Variants in YWHAE observed in about 807,000 individuals in gnomAD.
YWHAE encodes 14-3-3 protein epsilon.
In YWHAE, 4 loss-of-function variants were observed where a neutral mutation model predicts 30.1. The observed-to-expected ratio is 0.13, with a 90% confidence interval of 0.07 to 0.30. YWHAE has a LOEUF of 0.30. YWHAE is among the 10% of genes least tolerant of loss of function. The pLI, the probability that YWHAE is intolerant of heterozygous loss-of-function variation, is 1.00. For synonymous variants in YWHAE, 118 were observed against 111.8 expected (o/e 1.06, Z -0.35); for missense variants, 121 against 315.9 (o/e 0.38, Z 4.68).
rs7218847 is a variant in YWHAE at position 1,375,001 on chromosome 17, G to C, written c.65-9943C>G. Among the ~76,000 whole-genome samples, 1,521 of 152,214 alleles carry C rather than the reference G, an allele frequency of 1.0e-2. 23 individuals carry two copies. Among genetic ancestry groups the C allele is most frequent in the African/African-American group, 0.034 (1,419 of 41,528 alleles). On this transcript the variant is annotated intron_variant, in intron 1 of 5. Coordinates refer to ENST00000264335, the MANE Select transcript of YWHAE (RefSeq NM_006761.5). ...CAGGCCCATGATCACAGCGCACTAT[G>C]TAGCCTTAAACTCCTGGCCTCGAGT... is the stretch of plus-strand genomic sequence containing the variant.
chr17:1,368,358 A>G (rs1285298396), intron 1 of YWHAE, among the ~76,000 whole-genome samples: 1 of 151,926 alleles, frequency 6.6e-6, no homozygotes, highest in Non-Finnish European at 1.5e-5. Flanking sequence ...TCTGGGCAAC[A>G]AGAGCGAAAC....
chr17:1,365,167 A>C (rs2072923247), intron 1 of YWHAE, 109 bp from the exon 2 acceptor site: 2 of 1,209,384 alleles, frequency 1.7e-6, no homozygotes, highest in African/African-American at 1.5e-5. Flanking sequence ...ACATTTTAAC[A>C]AAAATAATTT....
intron 5 of YWHAE, among the ~76,000 whole-genome samples, chr17:1,347,462 A>C (rs534492052): frequency 6.6e-6 from 1 of 152,294 alleles, no homozygotes; most frequent in Middle Eastern, 3.4e-3. Context: ...AGGCGGGGCA[A>C]CAAGAGCAAA....
In YWHAE at chr17:1,361,304, A is replaced by G; in HGVS notation, c.372-6T>C. The G allele has an allele frequency of 6.5e-7, 1 of 1,547,206 alleles. No individual in the cohort carries two copies. The highest frequency in any genetic ancestry group is 2.3e-5 in the East Asian group (1 of 44,082). Reference sequence around the variant, plus strand: ...ACCTGTGGTAGTCCCCTTTCCTAAAACAAAACCAAAATTAAAAAAAAAAAA... The same window carrying G: ...ACCTGTGGTAGTCCCCTTTCCTAAAGCAAAACCAAAATTAAAAAAAAAAAA... On this transcript the variant is annotated splice_polypyrimidine_tract_variant and splice_region_variant and intron_variant, in intron 3 of 5. Coordinates refer to ENST00000264335, the MANE Select transcript of YWHAE (RefSeq NM_006761.5).
intron 1 of YWHAE, 24 bp downstream of exon 1, chr17:1,400,022 GC>G: frequency 3.7e-6 from 6 of 1,605,480 alleles, no homozygotes; most frequent in Non-Finnish European, 5.1e-6. Flanking sequence ...GAGAATTCCA[GC>G]CCCCCGTTGC....
intron 1 of YWHAE, among the ~76,000 whole-genome samples, chr17:1,386,663 A>G (rs1191713417): frequency 6.6e-6 from 1 of 152,212 alleles, no homozygotes; most frequent in African/African-American, 2.4e-5. Flanking sequence ...AAAAGTAACT[A>G]CATGAGCCAG....
chr17:1,352,441 ACAG>A, intron 5 of YWHAE, among the ~76,000 whole-genome samples: 1 of 152,270 alleles, frequency 6.6e-6, no homozygotes, highest in Non-Finnish European at 1.5e-5. Flanking sequence ...CAAAGACAAT[ACAG>A]CAGGTCCGTT....
At chr17:1,365,188 A>G in intron 1 of YWHAE, 130 bp from the exon 2 acceptor site, 1 of 1,070,400 alleles carries the variant, frequency 9.3e-7, no homozygotes, top group Non-Finnish European at 1.3e-6. Flanking sequence ...CATAATCATC[A>G]AAACTAATAT....
intron 1 of YWHAE, among the ~76,000 whole-genome samples, chr17:1,389,011 G>A (rs181361654): frequency 2.4e-4 from 36 of 152,184 alleles, no homozygotes; most frequent in African/African-American, 8.7e-4. Context: ...TGTCACCCAG[G>A]TGGGAGTGCA....
intron 1 of YWHAE, among the ~76,000 whole-genome samples, chr17:1,380,171 T>A (rs1447681167): frequency 6.7e-6 from 1 of 149,504 alleles, no homozygotes; most frequent in African/African-American, 2.5e-5. Flanking sequence ...TGGAGTGCAC[T>A]GGCACGATCT....
In YWHAE at chr17:1,384,941, C is replaced by G. The variant is rs544176843; in HGVS notation, c.64+15106G>C. ...GGTCAGGCTGGTCCTGAACTCCCAA[C>G]CACAGATGATCTGCCTGCCTTGGCC... On this transcript the variant is annotated intron_variant, in intron 1 of 5. Coordinates refer to ENST00000264335, the MANE Select transcript of YWHAE (RefSeq NM_006761.5). Among the ~76,000 whole-genome samples the G allele has an allele frequency of 2.6e-5, 4 of 152,028 alleles. No homozygotes were observed. In the South Asian group the frequency reaches 8.3e-4, roughly 32 times the overall value.
At position 1,345,516 on chromosome 17, in the gene YWHAE, A is replaced by G. The variant is rs202178652; in HGVS notation, c.716-17T>C. 1.2e-5 allele frequency: 19 copies of G among 1,613,002 alleles called. No individual in the cohort carries two copies. Among genetic ancestry groups the G allele is most frequent in the Non-Finnish European group, 1.5e-5 (18 of 1,179,770 alleles). On this transcript the variant is annotated splice_polypyrimidine_tract_variant and intron_variant, in intron 5 of 5. Transcript: ENST00000264335. Reference sequence around the variant, plus strand: ...GCTCTTCACCTGTTAAAAAAGAAAAAAAGTCAATTATTTCGTATTGACTAC... The same window carrying G: ...GCTCTTCACCTGTTAAAAAAGAAAAGAAGTCAATTATTTCGTATTGACTAC...
intron 2 of YWHAE, 178 bp downstream of exon 2, chr17:1,364,681 T>G: frequency 1.3e-6 from 1 of 765,870 alleles, no homozygotes; most frequent in Middle Eastern, 3.9e-4. Flanking sequence ...TCCTCATGCA[T>G]AGCCACGGGT....
intron 1 of YWHAE, among the ~76,000 whole-genome samples, chr17:1,383,080 G>A (rs951611305): frequency 6.6e-6 from 1 of 151,234 alleles, no homozygotes; most frequent in African/African-American, 2.4e-5. Context: ...GCTGGTCGTG[G>A]TGGCTCACGC....
At position 1,354,144 on chromosome 17, in the gene YWHAE, G is replaced by A. The variant is rs534873517; in HGVS notation, c.715+67C>T. 1.0e-4 allele frequency: 158 copies of A among 1,574,710 alleles called. No homozygotes were observed. The African/African-American group carries it at 1.6e-3, about 16-fold the overall frequency. On this transcript the variant is annotated intron_variant, in intron 5 of 5. Coordinates refer to ENST00000264335, the MANE Select transcript of YWHAE (RefSeq NM_006761.5). The stretch of plus-strand genomic sequence containing the variant: ...TTGATATAACGACAAGCCAAGGAAT[G>A]TCTAAAGAGAGTACAAACAAATCCT...
At chr17:1,398,336 C>CA (rs2073505739) in intron 1 of YWHAE, among the ~76,000 whole-genome samples, 1 of 88,148 alleles carries the variant, frequency 1.1e-5, no homozygotes, top group African/African-American at 7.1e-5. Context: ...CCATCTTATC[C>CA]CCCCCCCCAA....
At chr17:1,353,057 C>T (rs1024851079) in intron 5 of YWHAE, among the ~76,000 whole-genome samples, 2 of 152,212 alleles carry the variant, frequency 1.3e-5, no homozygotes, top group African/African-American at 4.8e-5. Context: ...ATTTGGGCTC[C>T]TGTATTTAAA....
intron 4 of YWHAE, among the ~76,000 whole-genome samples, chr17:1,358,737 C>A (rs945159475): frequency 6.7e-6 from 1 of 149,502 alleles, no homozygotes; most frequent in African/African-American, 2.5e-5. Flanking sequence ...GGCTGAAGCA[C>A]CAGAATCGCT....
At chr17:1,399,934 G>T in intron 1 of YWHAE, 113 bp downstream of exon 1, 1 of 1,343,284 alleles carries the variant, frequency 7.4e-7, no homozygotes, top group East Asian at 2.3e-5. Flanking sequence ...CCGAACCCAA[G>T]CCCCCGGGCC....
Sources: gnomAD v4.1 joint callset for allele counts (sites outside exome capture counted in the v4.1 genomes callset) on GRCh38, gnomAD v4.1.1 for gene constraint, MANE v1.5 for transcripts, NCBI Gene and HGNC (gene_info 2026-07-23, HGNC 2026-07-21) for gene names.